The following SNED1 variants were observed in gnomAD, a reference collection of about 807,000 sequenced individuals.
SNED1 encodes sushi, nidogen and EGF like domains 1, also known as sushi, nidogen and EGF-like domain-containing protein 1.
Under a neutral mutation model 166.7 loss-of-function variants are expected in SNED1, and 81 were observed. The observed-to-expected ratio is 0.49, with a 90% CI of 0.41 to 0.58. The LOEUF (loss-of-function observed/expected upper bound fraction) is 0.58, where lower values mean the gene tolerates loss of function less well. Ranked by LOEUF, SNED1 falls within the 20% of genes least tolerant of loss-of-function variation. The probability of loss-of-function intolerance (pLI) is 0.00; values close to 1 mark genes in which losing one functional copy is unlikely to be tolerated. For missense variants in SNED1, 1,604 were observed against 2,000.2 expected (o/e 0.80, Z 3.78); for synonymous variants, 762 against 822.0 (o/e 0.93, Z 1.25).
intron 12 of SNED1, among the ~76,000 whole-genome samples, chr2:241,050,486 G>A (rs1297473444): frequency 2.0e-5 from 3 of 152,114 alleles, no homozygotes; most frequent in Non-Finnish European, 2.9e-5. Flanking sequence ...ACCGCAGAGT[G>A]ACCTGGCACC....
At chr2:241,027,733 G>GTTTTTTTTTTTTT (rs1553561255) in intron 1 of SNED1, among the ~76,000 whole-genome samples, 1 of 135,664 alleles carries the variant, frequency 7.4e-6, no homozygotes, top group African/African-American at 2.6e-5. Flanking sequence ...ATTTTCTTCT[G>GTTTTTTTTTTTTT]TTTTTTTTTT....
chr2:241,071,803 G>C lies in SNED1; in HGVS notation c.3742G>C (p.Glu1248Gln). Reference protein sequence around the residue: ...ETPTQPPRFSELVDGRGRVSA... With the variant: ...ETPTQPPRFSQLVDGRGRVSA... Reference sequence around the variant, plus strand: ...CTCCCACCCTCTCTGCAGGTTCTCGGAGCTTGTGGACGGCAGAGGAAGAGT... The same window carrying C: ...CTCCCACCCTCTCTGCAGGTTCTCGCAGCTTGTGGACGGCAGAGGAAGAGT... The change falls in exon 26 of 32, where the codon GAG becomes CAG. Residue 1248 changes from glutamate to glutamine, a missense_variant. This residue lies in a region of SNED1 where 367 missense variants were observed against 379.4 expected (regional missense o/e 0.97). Transcript: ENST00000310397. 6.3e-7 allele frequency: 1 copy of C among 1,597,166 alleles called. No individual in the cohort carries two copies. Among genetic ancestry groups the C allele is most frequent in the Non-Finnish European group, 8.5e-7 (1 of 1,171,782 alleles).
chr2:241,031,649 C>T (rs1002985541), intron 2 of SNED1, among the ~76,000 whole-genome samples: 1 of 152,250 alleles, frequency 6.6e-6, no homozygotes, highest in South Asian at 2.1e-4. Context: ...TTGCGCCTCT[C>T]GGCTCCCAGA....
In SNED1 at chr2:241,094,168, T is replaced by C; in HGVS notation, c.*2532T>C. On this transcript the variant is annotated 3_prime_UTR_variant, in exon 32 of 32. Transcript: ENST00000310397. This position sits in a 1 kb window ranked among gnomAD's most constrained non-coding sequence, Gnocchi z 4.3. ...GGCAATAAAGACAAACTCTCCCTTTTCCCCATTGCGTGTGGGCTGCCAGGT... is the reference window on the plus strand; with the variant it reads ...GGCAATAAAGACAAACTCTCCCTTTCCCCCATTGCGTGTGGGCTGCCAGGT... 1 of 378,178 alleles carries C rather than the reference T, an allele frequency of 2.6e-6. No individual in the cohort carries two copies. Among genetic ancestry groups the C allele is most frequent in the Admixed American group, 3.6e-5 (1 of 27,586 alleles). The allele number at this position is 378,178 out of a possible 1,614,324, so 23.4% of individuals were successfully genotyped here. A position where few individuals can be genotyped will look rare whatever the true frequency, so the allele number is the denominator to read the frequency against.
In SNED1 at chr2:241,075,014, T is replaced by C. The variant is rs984737955; in HGVS notation, c.3916+1650T>C. On this transcript the variant is annotated intron_variant, in intron 27 of 31. Transcript: ENST00000310397. The surrounding 1 kb of genome is among the most constrained non-coding windows in gnomAD (Gnocchi z 4.8). ...TCTTTGCAAGATAATTATCTTGCCA[T>C]GTGTGATCGTTAGACCTGTGTTTTC... 1 of 152,214 alleles carries C rather than the reference T, an allele frequency of 6.6e-6. No individual in the cohort carries two copies. Among genetic ancestry groups the C allele is most frequent in the Non-Finnish European group, 1.5e-5 (1 of 68,032 alleles). The allele number at this position is 152,214 out of a possible 1,614,324, so 9.4% of individuals were successfully genotyped here.
intron 24 of SNED1, among the ~76,000 whole-genome samples, chr2:241,070,523 C>A (rs934637946): frequency 2.6e-5 from 4 of 152,224 alleles, no homozygotes; most frequent in African/African-American, 9.6e-5. Context: ...GAGGAGGAAG[C>A]CCCCGGAAGT....
rs10664618 is a variant in SNED1, at chr2:241,024,235, C to CTTTTTTT, written c.214-6026_214-6020dup. Among the ~76,000 whole-genome samples the CTTTTTTT allele has an allele frequency of 1.5e-4, 7 of 46,940 alleles. 1 individual carries two copies. The highest frequency in any genetic ancestry group is 4.2e-4 in the African/African-American group (5 of 11,926). 30.8% of individuals were successfully genotyped at this position (46,940 alleles called of 152,430 possible). A position where few individuals can be genotyped will look rare whatever the true frequency, so the allele number is the denominator to read the frequency against. The stretch of plus-strand genomic sequence containing the variant: ...GTGTAGTTGTATTTCACTCTACTAC[C>CTTTTTTT]TTTTTTTTTTTTTTTTTTTTTTTTT... On this transcript the variant is annotated intron_variant, in intron 1 of 31. Transcript: ENST00000310397.
Position 241,052,485 on chromosome 2 carries a change from G to GCCCAAGCAGGGTAC in SNED1, c.2083+17_2083+18insCCCAAGCAGGGTAC. The GCCCAAGCAGGGTAC allele has an allele frequency of 6.4e-7, 1 of 1,566,054 alleles. No homozygotes were observed. The stretch of plus-strand genomic sequence containing the variant: ...GCCAGGCAGGTGAGAGGGTCAGGGG[G>GCCCAAGCAGGGTAC]ATCAAGCAGGGTACATGGGATACCA... On this transcript the variant is annotated intron_variant, in intron 15 of 31. Transcript: ENST00000310397.
intron 12 of SNED1, 79 bp downstream of exon 12, chr2:241,050,012 T>C (rs566774551): frequency 2.3e-5 from 24 of 1,039,332 alleles, no homozygotes; most frequent in South Asian, 2.2e-4. Flanking sequence ...TTCTCTGCTG[T>C]CTCTCTCCTT....
At position 240,999,458 on chromosome 2, in the gene SNED1, G is replaced by A. The variant is rs1397143432; in HGVS notation, c.213+408G>A. ...CAAGTGGGGCGCCGGGCCTGCGAAG[G>A]TTGCAGCCCCTCCTTGGGCCATTTC... is the stretch of plus-strand genomic sequence containing the variant. On this transcript the variant is annotated intron_variant, in intron 1 of 31. Transcript: ENST00000310397. This position sits in a 1 kb window ranked among gnomAD's most constrained non-coding sequence, Gnocchi z 5.8. Among the ~76,000 whole-genome samples, 1 of 152,210 alleles carries A rather than the reference G, an allele frequency of 6.6e-6. No individual in the cohort carries two copies. Among genetic ancestry groups the A allele is most frequent in the Non-Finnish European group, 1.5e-5 (1 of 68,018 alleles).
chr2:241,082,000 G>A (rs2063351239), intron 28 of SNED1, among the ~76,000 whole-genome samples: 1 of 152,188 alleles, frequency 6.6e-6, no homozygotes, highest in Non-Finnish European at 1.5e-5. Context: ...CCCATCACGG[G>A]GGTCAGAACA....
chr2:241,033,533 T>A, intron 2 of SNED1: 3 of 581,288 alleles, frequency 5.2e-6, no homozygotes, highest in Non-Finnish European at 8.9e-6. Context: ...AGACGGCCTC[T>A]GCTGAGTGGC....
rs1403521577 is a variant in SNED1, at chr2:241,037,302, A to C, written c.994A>C (p.Ser332Arg). 6.2e-7 allele frequency: 1 copy of C among 1,611,502 alleles called. No individual in the cohort carries two copies. The highest frequency in any genetic ancestry group is 2.2e-5 in the East Asian group (1 of 44,844). Reference sequence around the variant, plus strand: ...TGGGACCTGTACTCACGGCATCAACAGTTTCCGCTGCCAGTGCCCGGCTGG... The same window carrying C: ...TGGGACCTGTACTCACGGCATCAACCGTTTCCGCTGCCAGTGCCCGGCTGG... ...NGGTCTHGIN[S>R]FRCQCPAGFG... is the part of the protein sequence containing the mutation. Residue 332 changes from serine to arginine, a missense_variant, in exon 6 of 32, where the codon AGT becomes CGT. By Grantham distance (110) the Ser-to-Arg change is moderately radical (BLOSUM62 -1). This residue lies in a region of SNED1 where 1,237 missense variants were observed against 1,620.8 expected (regional missense o/e 0.76). Transcript: ENST00000310397.
At chr2:241,041,105 C>G (rs749987382) in intron 8 of SNED1, 1 of 335,280 alleles carries the variant, frequency 3.0e-6, no homozygotes, top group South Asian at 2.3e-5. Flanking sequence ...CTGTTTTACC[C>G]GTAAGACACA....
chr2:241,066,060 G>A (rs1198478937), intron 21 of SNED1, among the ~76,000 whole-genome samples: 3 of 152,166 alleles, frequency 2.0e-5, no homozygotes, highest in South Asian at 2.1e-4. Flanking sequence ...GGGAGGCATC[G>A]GTGGCTCAAT....
At chr2:241,071,441 C>T in intron 24 of SNED1, 135 bp from the exon 25 acceptor site, 2 of 1,040,308 alleles carry the variant, frequency 1.9e-6, no homozygotes, top group South Asian at 3.0e-5. Context: ...CCTTGGATGA[C>T]CACGGCCCAC....
At chr2:241,082,740 G>A (rs1020146794) in intron 29 of SNED1, among the ~76,000 whole-genome samples, 3 of 152,192 alleles carry the variant, frequency 2.0e-5, no homozygotes, top group South Asian at 2.1e-4. Flanking sequence ...TGAGAATGCC[G>A]GCCCCAGTTC....
At chr2:241,033,312 G>A (rs924890871) in intron 2 of SNED1, among the ~76,000 whole-genome samples, 1 of 152,156 alleles carries the variant, frequency 6.6e-6, no homozygotes, top group Non-Finnish European at 1.5e-5. Context: ...GTAGAATTCT[G>A]TGAAAACCAT....
chr2:241,072,248 G>A, intron 26 of SNED1: 1 of 457,004 alleles, frequency 2.2e-6, no homozygotes, highest in Non-Finnish European at 4.3e-6. Flanking sequence ...GGCCATGAGG[G>A]TCTAACCCGC....
Sources: gnomAD v4.1 joint callset for allele counts (sites outside exome capture counted in the v4.1 genomes callset) on GRCh38, gnomAD v4.1.1 for gene constraint, gnomAD v4.1.1 regional missense constraint, Gnocchi (gnomAD v3.1) non-coding constraint, MANE v1.5 for transcripts, NCBI Gene and HGNC (gene_info 2026-07-23, HGNC 2026-07-21) for gene names.